Variants in KLHL8 observed in about 807,000 individuals in gnomAD.
The protein encoded by KLHL8 is kelch like family member 8.
A neutral mutation model predicts 63.5 loss-of-function variants in KLHL8; 38 were observed. The observed-to-expected ratio is 0.60, with a 90% confidence interval of 0.46 to 0.78. KLHL8 has a LOEUF of 0.78. Ranked by LOEUF, KLHL8 falls within the 30% of genes least tolerant of loss-of-function variation. KLHL8 has a pLI of 0.00. For synonymous variants in KLHL8, 224 were observed against 254.3 expected, an observed-to-expected ratio of 0.88 and a Z score of 1.13; for missense variants, 566 against 752.4, an observed-to-expected ratio of 0.75 and a Z score of 2.90.
chr4:87,166,861 GGA>G (rs1730419540), intron 8 of KLHL8: 1 of 159,154 alleles, frequency 6.3e-6, no homozygotes, highest in Non-Finnish European at 1.4e-5. Flanking sequence ...AGCCCCACCA[GGA>G]AGCAACGTGC....
At chr4:87,223,959 G>A (rs942871534), upstream of KLHL8, among the ~76,000 whole-genome samples, 3 of 152,098 alleles carry the variant, frequency 2.0e-5, no homozygotes, top group Admixed American at 6.5e-5. Flanking sequence ...CTCAAAGTCC[G>A]ATAAATTAAA....
chr4:87,169,115 G>T (rs2149829061), intron 8 of KLHL8, among the ~76,000 whole-genome samples: 1 of 152,122 alleles, frequency 6.6e-6, no homozygotes, highest in South Asian at 2.1e-4. Flanking sequence ...GATCAGCCTG[G>T]CAAACACGAT....
At position 87,185,309 on chromosome 4, in the gene KLHL8, T is replaced by G. The variant is rs992761361; in HGVS notation, c.707A>C (p.Lys236Thr). 1.2e-6 allele frequency: 2 copies of G among 1,614,200 alleles called. No individual in the cohort carries two copies. The highest frequency in any genetic ancestry group is 1.7e-6 in the Non-Finnish European group (2 of 1,180,022). Residue 236 changes from lysine to threonine, a missense_variant, in exon 3 of 10, where the codon AAG (lysine) becomes ACG (threonine). Transcript: ENST00000273963. ...NEKQVYNAAI[K>T]WLLANPQHHS... ...ATGCTGAGGATTGGCAAGAAGCCAC[T>G]TGATGGCAGCATTATAGACCTGCTT...
chr4:87,164,145 C>T, intron 8 of KLHL8, 66 bp from the exon 9 acceptor site: 2 of 1,375,698 alleles, frequency 1.5e-6, no homozygotes, highest in Non-Finnish European at 2.0e-6. Context: ...AATTTCAATT[C>T]AATGGCTTTT....
rs1731217345 is a variant in KLHL8, at chr4:87,185,474, C to T, written c.542G>A (p.Arg181Gln). The T allele has an allele frequency of 6.2e-7, 1 of 1,614,136 alleles. No individual in the cohort carries two copies. Among genetic ancestry groups the T allele is most frequent in the Middle Eastern group, 1.6e-4 (1 of 6,062 alleles). The change falls in exon 3 of 10, where the codon CGA (arginine) becomes CAA (glutamine). Residue 181 changes from arginine (R) to glutamine (Q), a missense_variant. Physicochemically the swap from Arg to Gln is conservative, Grantham distance 43 (BLOSUM62 1). Transcript: ENST00000273963. ...ATCCGCCATGTCCATTAAGTCTATT[C>T]GATTGTGACTTTCTGCAAAGGCTCT... ...AVRAFAESHN[R>Q]IDLMDMADQY...
At chr4:87,214,427 T>C (rs1417333039) in intron 1 of KLHL8, among the ~76,000 whole-genome samples, 6 of 44,706 alleles carry the variant, frequency 1.3e-4, no homozygotes, top group Non-Finnish European at 2.2e-4. Flanking sequence ...TATATATATA[T>C]ATATATATAT....
rs1318355129 is a variant in KLHL8, at chr4:87,195,528, A to T, written c.12T>A (p.Asp4Glu). The change falls in exon 2 of 10, where the codon GAT becomes GAA. Residue 4 changes from aspartate (D) to glutamate (E), a missense_variant. Asp to Glu is a conservative substitution (Grantham distance 45). Coordinates refer to ENST00000273963, the MANE Select transcript of KLHL8 (RefSeq NM_020803.5). MASDSMSSKQARNH... is the reference protein window; with the variant it reads MASESMSSKQARNH... ...TCCTAGCTTGTTTACTACTCATAGA[A>T]TCTGAAGCCATTTGCAATATTCCTC... The T allele has an allele frequency of 6.2e-7, 1 of 1,612,592 alleles. No individual in the cohort carries two copies. Among genetic ancestry groups the T allele is most frequent in the Admixed American group, 1.7e-5 (1 of 59,940 alleles).
At chr4:87,226,536 TG>T (rs1336617286) in intron 1 of KLHL8, among the ~76,000 whole-genome samples, 1 of 140,998 alleles carries the variant, frequency 7.1e-6, no homozygotes, top group Non-Finnish European at 1.5e-5. Context: ...CATTCCAGCC[TG>T]GGCAACAGAG....
intron 8 of KLHL8, chr4:87,167,162 A>T: frequency 5.9e-6 from 3 of 512,648 alleles, no homozygotes; most frequent in Admixed American, 4.5e-5. Flanking sequence ...TTGTCGCAGA[A>T]GAAAGGAAAC....
chr4:87,233,820 T>C (rs1733179085), intron 1 of KLHL8, among the ~76,000 whole-genome samples: 1 of 152,216 alleles, frequency 6.6e-6, no homozygotes, highest in Non-Finnish European at 1.5e-5. Flanking sequence ...TTGATAAATA[T>C]TTTTCCATTT....
intron 6 of KLHL8, among the ~76,000 whole-genome samples, chr4:87,173,198 C>A (rs958885008): frequency 3.3e-5 from 5 of 152,184 alleles, no homozygotes; most frequent in African/African-American, 1.2e-4. Flanking sequence ...TCCTTCAGAT[C>A]ATAATAAATG....
At chr4:87,165,468 A>C (rs1332345226) in intron 8 of KLHL8, among the ~76,000 whole-genome samples, 2 of 151,880 alleles carry the variant, frequency 1.3e-5, no homozygotes, top group Admixed American at 6.6e-5. Flanking sequence ...ATCACAGCTC[A>C]CTGCACTCTC....
intron 3 of KLHL8, among the ~76,000 whole-genome samples, chr4:87,184,878 T>C (rs1240604346): frequency 6.6e-6 from 1 of 152,184 alleles, no homozygotes; most frequent in Non-Finnish European, 1.5e-5. Context: ...ATTAGCAAAA[T>C]AATTCATTAA....
chr4:87,202,954 C>G (rs900705238), intron 1 of KLHL8, among the ~76,000 whole-genome samples: 1 of 152,006 alleles, frequency 6.6e-6, no homozygotes, highest in Admixed American at 6.6e-5. Flanking sequence ...AGAATGATCA[C>G]GACCAAGTAG....
chr4:87,190,681 A>G (rs1308779168), intron 2 of KLHL8, among the ~76,000 whole-genome samples: 4 of 151,624 alleles, frequency 2.6e-5, no homozygotes, highest in Admixed American at 6.6e-5. Flanking sequence ...TAGTCTATTC[A>G]GGCTGCTATA....
chr4:87,197,981 T>G (rs1348929979), intron 1 of KLHL8, among the ~76,000 whole-genome samples: 1 of 142,434 alleles, frequency 7.0e-6, no homozygotes, highest in Non-Finnish European at 1.5e-5. Flanking sequence ...AATAAATAAA[T>G]AAAGCCATGT....
At chr4:87,225,020 C>G (rs2110065362), upstream of KLHL8, among the ~76,000 whole-genome samples, 1 of 152,168 alleles carries the variant, frequency 6.6e-6, no homozygotes, top group Non-Finnish European at 1.5e-5. Flanking sequence ...TCGAGGGATC[C>G]TCCTGCCTTA....
chr4:87,194,067 T>C (rs911142406), intron 2 of KLHL8, among the ~76,000 whole-genome samples: 1 of 152,210 alleles, frequency 6.6e-6, no homozygotes, highest in African/African-American at 2.4e-5. Context: ...TGCTATCTTC[T>C]AAATGTCCTC....
chr4:87,204,179 G>A (rs13108897), intron 1 of KLHL8, among the ~76,000 whole-genome samples: 145,281 of 152,200 alleles, frequency 0.95, 69,684 homozygotes, highest in East Asian at 1. Flanking sequence ...TCATGCCTGT[G>A]AATAGCCACT....
Sources: gnomAD v4.1 joint callset for allele counts (sites outside exome capture counted in the v4.1 genomes callset) on GRCh38, gnomAD v4.1.1 for gene constraint, MANE v1.5 for transcripts, NCBI Gene and HGNC (gene_info 2026-07-23, HGNC 2026-07-21) for gene names.